Variants in PIK3R3 observed in about 807,000 individuals in gnomAD.
The protein encoded by PIK3R3 is phosphatidylinositol 3-kinase regulatory subunit gamma.
A neutral mutation model predicts 62.9 loss-of-function variants in PIK3R3; 64 were observed. That is an observed-to-expected ratio of 1.02 (90% CI 0.83 to 1.25). The LOEUF (loss-of-function observed/expected upper bound fraction) is 1.25. PIK3R3 is among the 50% of genes most tolerant of loss of function. The probability of loss-of-function intolerance (pLI) is 0.00; values close to 1 mark genes in which losing one functional copy is unlikely to be tolerated. For synonymous variants in PIK3R3, 165 were observed against 189.0 expected (o/e 0.87, Z 1.04); for missense variants, 614 against 561.6 (o/e 1.09, Z -0.94).
At chr1:46,061,812 G>A in intron 6 of PIK3R3, 117 bp downstream of exon 6, 1 of 892,772 alleles carries the variant, frequency 1.1e-6, no homozygotes, top group East Asian at 2.5e-5. Flanking sequence ...AACAGCAAGT[G>A]GTTCCAATAG....
At chr1:46,166,371 C>A in the PIK3R3 span, among the ~76,000 whole-genome samples, 1 of 151,668 alleles carries the variant, frequency 6.6e-6, no homozygotes, top group African/African-American at 2.4e-5. Flanking sequence ...TACAGGTGTG[C>A]GCCTCCATGC....
chr1:46,070,843 T>C (rs1052485698), intron 3 of PIK3R3, among the ~76,000 whole-genome samples: 7 of 152,232 alleles, frequency 4.6e-5, no homozygotes, highest in Admixed American at 4.6e-4. Context: ...AAGGTCATGC[T>C]AGTCCTCCTT....
chr1:46,149,384 T>C, the PIK3R3 span, among the ~76,000 whole-genome samples: 22,083 of 132,742 alleles, frequency 0.17, 2,034 homozygotes, highest in Middle Eastern at 0.24. Flanking sequence ...ATTGTGCCAC[T>C]GCACTCCAGC....
At chr1:46,119,513 C>CCCT (rs1654476681) in intron 1 of PIK3R3, among the ~76,000 whole-genome samples, 1 of 152,108 alleles carries the variant, frequency 6.6e-6, no homozygotes, top group Non-Finnish European at 1.5e-5. Context: ...TTCCAGAGAC[C>CCCT]CCTCTCTTAA....
intron 1 of PIK3R3, among the ~76,000 whole-genome samples, chr1:46,118,581 A>G (rs1161121732): frequency 6.3e-5 from 8 of 126,050 alleles, no homozygotes; most frequent in Admixed American, 9.0e-5. Flanking sequence ...TTTGAGATGG[A>G]GTCTCCCTCT....
intron 6 of PIK3R3, among the ~76,000 whole-genome samples, chr1:46,057,806 A>G (rs1482029795): frequency 6.6e-6 from 1 of 152,230 alleles, no homozygotes; most frequent in Non-Finnish European, 1.5e-5. Flanking sequence ...GAGAAACAGC[A>G]TAAAAGTTTG....
rs773058412 is a variant in PIK3R3, at chr1:46,121,522, C to T, written c.106+10325G>A. ...TTTATAAATAAATACGGGTTGGGCA[C>T]GGTGGCTCACACCTGTAATCCCAGC... On this transcript the variant is annotated intron_variant, in intron 1 of 9. Coordinates refer to ENST00000262741, the MANE Select transcript of PIK3R3 (RefSeq NM_003629.4). Among the ~76,000 whole-genome samples, 30 of 152,128 alleles carry T rather than the reference C, an allele frequency of 2.0e-4. 1 individual carries two copies. Among genetic ancestry groups the T allele is most frequent in the Middle Eastern group, 6.8e-3 (2 of 294 alleles).
In PIK3R3 at chr1:46,052,901, A is replaced by G. The variant is rs191106944; in HGVS notation, c.941+2894T>C. Among the ~76,000 whole-genome samples, 380 of 152,348 alleles carry G rather than the reference A, an allele frequency of 2.5e-3. 2 individuals carry two copies. Among genetic ancestry groups the G allele is most frequent in the African/African-American group, 8.8e-3 (364 of 41,578 alleles). Reference sequence around the variant, plus strand: ...AAAGAACTAATGACAGTCTTTAGGTAGGTATCACAGAATTCCACCCTATTC... The same window carrying G: ...AAAGAACTAATGACAGTCTTTAGGTGGGTATCACAGAATTCCACCCTATTC... On this transcript the variant is annotated intron_variant, in intron 7 of 9. Transcript: ENST00000262741.
At chr1:46,099,226 T>C (rs763267785) in intron 1 of PIK3R3, among the ~76,000 whole-genome samples, 26 of 152,336 alleles carry the variant, frequency 1.7e-4, no homozygotes, top group Admixed American at 5.2e-4. Flanking sequence ...TTTTATCAGA[T>C]CTTTTTAAGT....
At chr1:46,166,205 TTTTTC>T in the PIK3R3 span, among the ~76,000 whole-genome samples, 168 of 151,672 alleles carry the variant, frequency 1.1e-3, no homozygotes, top group African/African-American at 2.5e-3. Flanking sequence ...CTTATAGGCT[TTTTTC>T]TTTTCTTTTC....
intron 5 of PIK3R3, among the ~76,000 whole-genome samples, 183 bp downstream of exon 5, chr1:46,065,871 T>C (rs571972156): frequency 2.0e-5 from 3 of 152,366 alleles, no homozygotes; most frequent in Admixed American, 2.0e-4. Flanking sequence ...TAATATTAAC[T>C]GATACAAATT....
chr1:46,128,250 C>T (rs1341451647), intron 1 of PIK3R3, among the ~76,000 whole-genome samples: 1 of 152,042 alleles, frequency 6.6e-6, no homozygotes, highest in Admixed American at 6.5e-5. Flanking sequence ...GCCTGGCCAA[C>T]ATGGCAAAAC....
the PIK3R3 span, among the ~76,000 whole-genome samples, chr1:46,142,103 C>G: frequency 6.6e-6 from 1 of 152,188 alleles, no homozygotes; most frequent in African/African-American, 2.4e-5. Flanking sequence ...GCCTGTAAAC[C>G]TGTACCCATT....
At chr1:46,153,195 A>T in the PIK3R3 span, among the ~76,000 whole-genome samples, 1 of 152,184 alleles carries the variant, frequency 6.6e-6, no homozygotes, top group Non-Finnish European at 1.5e-5. Flanking sequence ...ATATATCCTC[A>T]GCCTCATTTG....
rs969721696 is a variant in PIK3R3, at chr1:46,046,043, A to G, written c.1062T>C (p.Asp354=). 9.9e-6 allele frequency: 16 copies of G among 1,611,040 alleles called. No individual in the cohort carries two copies. The highest frequency in any genetic ancestry group is 1.4e-5 in the Non-Finnish European group (16 of 1,177,530). The change falls in exon 9 of 10, where the codon GAT becomes GAC. Residue 354 remains aspartate (D), a synonymous_variant. Coordinates refer to ENST00000262741, the MANE Select transcript of PIK3R3 (RefSeq NM_003629.4). The part of the protein sequence containing the change: ...NEEDENLPHY[D]EKTWFVEDIN... The stretch of plus-strand genomic sequence containing the variant: ...TATCCTCAACAAACCAGGTTTTCTC[A>G]TCATAATGGGGCAGGTTTTCATCTT...
chr1:46,072,556 T>C (rs1380552907), intron 3 of PIK3R3, among the ~76,000 whole-genome samples: 2 of 152,234 alleles, frequency 1.3e-5, no homozygotes, highest in African/African-American at 4.8e-5. Flanking sequence ...TATATACATA[T>C]AGCAGACTAT....
chr1:46,065,908 G>T, intron 5 of PIK3R3, 146 bp downstream of exon 5: 1 of 689,400 alleles, frequency 1.5e-6, no homozygotes, highest in Non-Finnish European at 2.5e-6. Flanking sequence ...AAGAAGGGAG[G>T]GGAATTTATA....
At chr1:46,105,119 G>A (rs912423641) in intron 1 of PIK3R3, 2 of 719,488 alleles carry the variant, frequency 2.8e-6, no homozygotes, top group African/African-American at 3.5e-5. Context: ...AATTGGAATA[G>A]AATGGAACCT....
At chr1:46,166,495 G>A in the PIK3R3 span, among the ~76,000 whole-genome samples, 1 of 152,102 alleles carries the variant, frequency 6.6e-6, no homozygotes, top group Non-Finnish European at 1.5e-5. Flanking sequence ...AGTGCTGGGA[G>A]GCGTGAGCCA....
Sources: allele counts gnomAD v4.1 joint callset (sites outside exome capture counted in the v4.1 genomes callset), GRCh38; gene constraint gnomAD v4.1.1; transcripts MANE v1.5; gene names NCBI Gene and HGNC (gene_info 2026-07-23, HGNC 2026-07-21).